DPP6: variants seen among roughly 807,000 people sequenced by gnomAD.
The protein encoded by DPP6 is dipeptidyl peptidase like 6.
Under a neutral mutation model 122.6 loss-of-function variants are expected in DPP6, and 69 were observed. The ratio of observed to expected loss-of-function variants is 0.56; its 90% CI spans 0.46 to 0.69. The LOEUF (loss-of-function observed/expected upper bound fraction) is 0.69. DPP6 is among the 30% of genes least tolerant of loss of function. The pLI, the probability that DPP6 is intolerant of heterozygous loss-of-function variation, is 0.00. For missense variants in DPP6, 928 were observed against 1,116.9 expected, an observed-to-expected ratio of 0.83 and a Z score of 2.41; for synonymous variants, 418 against 433.1, an observed-to-expected ratio of 0.97 and a Z score of 0.43.
intron 6 of DPP6, among the ~76,000 whole-genome samples, chr7:154,662,953 C>T (rs1313024645): frequency 1.2e-4 from 8 of 65,662 alleles, no homozygotes; most frequent in Non-Finnish European, 1.2e-4. Context: ...GCGTATCGGC[C>T]GTAGTGTTCA....
chr7:154,865,265 C>T (rs1803761149), intron 17 of DPP6: 1 of 152,346 alleles, frequency 6.6e-6, no homozygotes, highest in Admixed American at 6.5e-5. Flanking sequence ...CATCGGTTGT[C>T]ACTTCCATCA....
the DPP6 span, among the ~76,000 whole-genome samples, chr7:153,756,803 CTATT>C: frequency 3.3e-5 from 5 of 151,504 alleles, no homozygotes; most frequent in Non-Finnish European, 7.4e-5. Flanking sequence ...TACTGAAAAT[CTATT>C]TATGTTATTT....
chr7:154,793,838 A>G (rs556306414), intron 10 of DPP6: 3 of 489,080 alleles, frequency 6.1e-6, no homozygotes. Flanking sequence ...ACGCAGTGAC[A>G]TGCAACTCCC....
At chr7:154,353,058 G>A (rs781436951) in intron 1 of DPP6, among the ~76,000 whole-genome samples, 1 of 152,224 alleles carries the variant, frequency 6.6e-6, no homozygotes, top group Admixed American at 6.5e-5. Context: ...CGTGGCCCCT[G>A]GGCCAGCAGC....
chr7:154,381,897 T>C (rs959217872), intron 1 of DPP6, among the ~76,000 whole-genome samples: 2 of 152,212 alleles, frequency 1.3e-5, no homozygotes, highest in South Asian at 2.1e-4. Context: ...ACATTTGTCA[T>C]TGGTGTCCGA....
intron 8 of DPP6, among the ~76,000 whole-genome samples, chr7:154,738,297 C>G (rs1007256606): frequency 3.9e-5 from 6 of 152,220 alleles, no homozygotes; most frequent in Non-Finnish European, 8.8e-5. Context: ...GTGGGTTTCT[C>G]CCAAGAGAAA....
chr7:153,951,521 C>T (rs535238992), intron 1 of DPP6, among the ~76,000 whole-genome samples: 15 of 152,200 alleles, frequency 9.9e-5, no homozygotes, highest in South Asian at 2.1e-4. Context: ...ACCCAGGTGT[C>T]GGGGACTCTG....
At chr7:154,639,803 T>G (rs1359816449) in intron 6 of DPP6, among the ~76,000 whole-genome samples, 1 of 152,238 alleles carries the variant, frequency 6.6e-6, no homozygotes, top group African/African-American at 2.4e-5. Context: ...CCTGGTTTAT[T>G]GGTTAGCTTT....
chr7:153,967,522 C>A (rs577405303), intron 1 of DPP6, among the ~76,000 whole-genome samples: 2 of 152,142 alleles, frequency 1.3e-5, no homozygotes, highest in Admixed American at 1.3e-4. Context: ...AGAGTTGGTC[C>A]GTTGTCACAT....
chr7:154,270,970 G>T (rs1162655282), intron 1 of DPP6, among the ~76,000 whole-genome samples: 1 of 152,124 alleles, frequency 6.6e-6, no homozygotes, highest in Non-Finnish European at 1.5e-5. Context: ...TAAAAGCAAG[G>T]TTGTTTATTA....
chr7:154,286,345 CAT>C (rs1489581281), intron 1 of DPP6, among the ~76,000 whole-genome samples: 1 of 152,132 alleles, frequency 6.6e-6, no homozygotes, highest in Non-Finnish European at 1.5e-5. Context: ...GTCTGCAACT[CAT>C]GTGCATTCAG....
intron 17 of DPP6, chr7:154,865,179 C>T (rs1408884787): frequency 1.3e-5 from 2 of 152,234 alleles, no homozygotes; most frequent in African/African-American, 4.8e-5. Flanking sequence ...CAGAAGCTAA[C>T]TGATAGCAAG....
At chr7:154,426,935 T>G (rs1467518425) in intron 1 of DPP6, among the ~76,000 whole-genome samples, 1 of 152,114 alleles carries the variant, frequency 6.6e-6, no homozygotes, top group African/African-American at 2.4e-5. Flanking sequence ...TTTAGAATAA[T>G]GTGTAAGAGT....
At chr7:153,905,804 T>C (rs1464365508) in intron 1 of DPP6, among the ~76,000 whole-genome samples, 2 of 152,114 alleles carry the variant, frequency 1.3e-5, no homozygotes, top group South Asian at 2.1e-4. Flanking sequence ...AGGAAGTCCG[T>C]GGGAGCAATG....
rs142237855 is a variant in DPP6 at position 154,249,376 on chromosome 7, A to G, written c.243+196313A>G. On this transcript the variant is annotated intron_variant, in intron 1 of 25. Transcript: ENST00000377770. ...ATGAAAAATATCAATTAACCTATTA[A>G]TTAACCCGGAGAAACTATTAGCCTG... 8.4e-3 allele frequency among the ~76,000 whole-genome samples: 1,275 copies of G among 152,362 alleles called. 13 individuals are homozygous for G. The highest frequency in any genetic ancestry group is 0.013 in the Non-Finnish European group (861 of 68,036).
At chr7:153,864,518 T>C in the DPP6 span, among the ~76,000 whole-genome samples, 6 of 151,908 alleles carry the variant, frequency 3.9e-5, no homozygotes, top group African/African-American at 1.5e-4. Flanking sequence ...TAGCTGGGCA[T>C]GGTGGTGGGC....
At chr7:153,848,237 GC>G in the DPP6 span, among the ~76,000 whole-genome samples, 22 of 147,736 alleles carry the variant, frequency 1.5e-4, no homozygotes, top group African/African-American at 4.2e-4. Context: ...TAACATGGTC[GC>G]CCCCCCACCA....
chr7:154,374,605 T>TTTTTTCTTTTTTTC (rs1812962435), intron 1 of DPP6, among the ~76,000 whole-genome samples: 1 of 140,436 alleles, frequency 7.1e-6, no homozygotes, highest in Non-Finnish European at 1.6e-5. Flanking sequence ...TTTTTCTGTT[T>TTTTTTCTTTTTTTC]TTTTTCTTTT....
At chr7:154,415,518 C>T (rs1030711414) in intron 1 of DPP6, among the ~76,000 whole-genome samples, 3 of 151,868 alleles carry the variant, frequency 2.0e-5, no homozygotes, top group African/African-American at 7.3e-5. Flanking sequence ...GTGAGCTCTG[C>T]GGTACAAGTG....
Sources: allele counts gnomAD v4.1 joint callset (sites outside exome capture counted in the v4.1 genomes callset), GRCh38; gene constraint gnomAD v4.1.1; transcripts MANE v1.5; gene names NCBI Gene and HGNC (gene_info 2026-07-23, HGNC 2026-07-21).